TTC23: variants seen among roughly 807,000 people sequenced by gnomAD.
The protein encoded by TTC23 is tetratricopeptide repeat domain 23.
Under a neutral mutation model 55.1 loss-of-function variants are expected in TTC23, and 58 were observed. That is an observed-to-expected ratio of 1.05 (90% confidence interval 0.85 to 1.31). The LOEUF is 1.31. Ranked by LOEUF, TTC23 falls within the 50% of genes most tolerant of loss-of-function variation. The pLI is 0.00. For missense variants in TTC23, 516 were observed against 534.4 expected, an observed-to-expected ratio of 0.97 and a Z score of 0.34; for synonymous variants, 203 against 199.9, an observed-to-expected ratio of 1.02 and a Z score of -0.13.
intron 12 of TTC23, among the ~76,000 whole-genome samples, chr15:99,147,375 G>C (rs1703760): frequency 6.6e-6 from 1 of 151,840 alleles, no homozygotes; most frequent in Non-Finnish European, 1.5e-5. Flanking sequence ...ACAGGCGCCC[G>C]CCACCACACC....
chr15:99,167,087 A>G (rs760790495), intron 10 of TTC23, among the ~76,000 whole-genome samples: 1 of 152,112 alleles, frequency 6.6e-6, no homozygotes, highest in Non-Finnish European at 1.5e-5. Context: ...GAGTCCTATT[A>G]CTACAGCAAA....
At chr15:99,207,538 T>C (rs904464069) in intron 8 of TTC23, among the ~76,000 whole-genome samples, 7 of 152,180 alleles carry the variant, frequency 4.6e-5, no homozygotes, top group African/African-American at 1.7e-4. Flanking sequence ...GGCAGGTGGA[T>C]CACTTGAGGT....
intron 3 of TTC23, among the ~76,000 whole-genome samples, chr15:99,240,172 G>A (rs1448199426): frequency 6.6e-6 from 1 of 152,204 alleles, no homozygotes; most frequent in Admixed American, 6.5e-5. Context: ...TTTAGTGGGA[G>A]GCAGAAAAGA....
chr15:99,168,899 T>C (rs766055107), intron 10 of TTC23, among the ~76,000 whole-genome samples: 1 of 152,134 alleles, frequency 6.6e-6, no homozygotes, highest in Middle Eastern at 3.2e-3. Context: ...TCTCTGGGTC[T>C]GGAGTGTGGT....
chr15:99,239,357 T>C (rs2079576907), intron 3 of TTC23, among the ~76,000 whole-genome samples: 1 of 152,046 alleles, frequency 6.6e-6, no homozygotes, highest in Non-Finnish European at 1.5e-5. Flanking sequence ...TGGTGGCATG[T>C]GCCTGTAGTC....
At chr15:99,173,341 AGAG>A (rs2073169459) in intron 10 of TTC23, among the ~76,000 whole-genome samples, 6 of 152,210 alleles carry the variant, frequency 3.9e-5, no homozygotes, top group Admixed American at 2.6e-4. Context: ...CTGTTATCCC[AGAG>A]TTTTGGGAAG....
At chr15:99,149,854 A>C (rs560465734) in intron 12 of TTC23, among the ~76,000 whole-genome samples, 2 of 152,302 alleles carry the variant, frequency 1.3e-5, no homozygotes, top group South Asian at 4.2e-4. Context: ...ACTGGGAGCC[A>C]GCAGTGACAG....
At chr15:99,184,350 G>A (rs2074460897) in intron 9 of TTC23, among the ~76,000 whole-genome samples, 1 of 152,134 alleles carries the variant, frequency 6.6e-6, no homozygotes. Context: ...ATAGACACTC[G>A]ATGCCAGCCC....
upstream of TTC23, among the ~76,000 whole-genome samples, chr15:99,250,181 A>T (rs2080605553): frequency 1.3e-5 from 2 of 152,210 alleles, no homozygotes; most frequent in African/African-American, 2.4e-5. Flanking sequence ...TCATTTTAAG[A>T]CCAGCAAAAA....
intron 13 of TTC23, 122 bp downstream of exon 13, chr15:99,139,195 T>A (rs1250159939): frequency 1.6e-6 from 2 of 1,262,468 alleles, no homozygotes; most frequent in Non-Finnish European, 2.2e-6. Flanking sequence ...TTTATGCAAG[T>A]TATGGGAAGT....
intron 10 of TTC23, among the ~76,000 whole-genome samples, chr15:99,168,583 C>T (rs1299114160): frequency 6.6e-6 from 1 of 152,168 alleles, no homozygotes; most frequent in African/African-American, 2.4e-5. Context: ...AGTGAAAAAC[C>T]CGAACCTCAT....
Position 99,197,315 on chromosome 15 carries a change from G to A in TTC23, c.759+2604C>T, listed in dbSNP as rs186595790. ...GATGGGGTTTCACCATGTTAGCCAG[G>A]ATGGTCTTGATCTCCTGACCTTGTG... On this transcript the variant is annotated intron_variant, in intron 9 of 13. Coordinates refer to ENST00000394132, the MANE Select transcript of TTC23 (RefSeq NM_001288615.3). Among the ~76,000 whole-genome samples the A allele has an allele frequency of 1.9e-3, 282 of 152,080 alleles. 2 individuals are homozygous for A. Among genetic ancestry groups the A allele is most frequent in the African/African-American group, 6.0e-3 (247 of 41,484 alleles).
intron 9 of TTC23, among the ~76,000 whole-genome samples, chr15:99,188,582 G>A (rs2074947533): frequency 6.6e-6 from 1 of 152,046 alleles, no homozygotes; most frequent in Admixed American, 6.5e-5. Flanking sequence ...TATAAGATAT[G>A]AAGGATTTCT....
chr15:99,144,293 A>C (rs1555491920), intron 12 of TTC23: 1 of 152,182 alleles, frequency 6.6e-6, no homozygotes, highest in African/African-American at 2.4e-5. Flanking sequence ...CACCCTTCCC[A>C]GTGTGGACAG....
intron 10 of TTC23, among the ~76,000 whole-genome samples, chr15:99,167,352 C>T (rs1263762604): frequency 1.3e-5 from 2 of 152,290 alleles, no homozygotes; most frequent in South Asian, 2.1e-4. Context: ...AATCTGATGC[C>T]GAAGGCCTGG....
intron 10 of TTC23, among the ~76,000 whole-genome samples, chr15:99,163,145 T>C (rs2071610615): frequency 1.3e-5 from 2 of 151,998 alleles, no homozygotes; most frequent in South Asian, 2.1e-4. Flanking sequence ...ACCAGAAAGA[T>C]TATCCCCTGG....
chr15:99,233,068 G>T (rs2079054477), intron 4 of TTC23, among the ~76,000 whole-genome samples: 1 of 152,172 alleles, frequency 6.6e-6, no homozygotes, highest in South Asian at 2.1e-4. Context: ...TCATTCATAT[G>T]TACAATCTAC....
chr15:99,243,783 C>G (rs963207565), intron 2 of TTC23, among the ~76,000 whole-genome samples: 2 of 152,114 alleles, frequency 1.3e-5, no homozygotes, highest in Admixed American at 6.5e-5. Context: ...CAACTGAACT[C>G]ATGAACACAG....
At position 99,145,692 on chromosome 15, in the gene TTC23, C is replaced by T. The variant is rs553516292; in HGVS notation, c.1144-6293G>A. Among the ~76,000 whole-genome samples, 5 of 152,196 alleles carry T rather than the reference C, an allele frequency of 3.3e-5. No individual in the cohort carries two copies. The East Asian group carries it at 9.7e-4, about 29-fold the overall frequency. On this transcript the variant is annotated intron_variant, in intron 12 of 13. Transcript: ENST00000394132. ...TATGTCTCTCTCTCTGTCTCTGTCT[C>T]TCTCTCTTTCTTTCTCTGTCTGTCC...
Sources: gnomAD v4.1 joint callset for allele counts (sites outside exome capture counted in the v4.1 genomes callset) on GRCh38, gnomAD v4.1.1 for gene constraint, MANE v1.5 for transcripts, NCBI Gene and HGNC (gene_info 2026-07-23, HGNC 2026-07-21) for gene names.